The following FOXP1 variants were observed in gnomAD, a reference collection of about 807,000 sequenced individuals.
The protein encoded by FOXP1 is forkhead box P1, also known as forkhead box protein P1.
FOXP1 carries 15 observed loss-of-function variants against 98.2 expected under a neutral mutation model. The ratio of observed to expected loss-of-function variants is 0.15; its 90% CI spans 0.10 to 0.24. FOXP1 has a LOEUF of 0.24. Ranked by LOEUF, FOXP1 falls within the 10% of genes least tolerant of loss-of-function variation. The pLI is 1.00. For missense variants in FOXP1, 633 were observed against 848.5 expected (o/e 0.75, Z 3.15); for synonymous variants, 371 against 314.5 (o/e 1.18, Z -1.90).
chr3:71,513,675 T>C (rs1409337127), intron 2 of FOXP1, among the ~76,000 whole-genome samples: 2 of 152,206 alleles, frequency 1.3e-5, no homozygotes, highest in African/African-American at 4.8e-5. Context: ...TGATGTGGAA[T>C]GGGTCATTCT....
chr3:70,965,874 G>T lies in FOXP1; in HGVS notation c.1889+16C>A. The T allele has an allele frequency of 6.2e-7, 1 of 1,613,180 alleles. No homozygotes were observed. The highest frequency in any genetic ancestry group is 1.1e-5 in the South Asian group (1 of 91,046). On this transcript the variant is annotated intron_variant, in intron 20 of 20. Transcript: ENST00000649528. ...AGGGTCAGATAGCAAAGACCTGTTG[G>T]GTGGACAATACTCACACGGCTTGCA... is the stretch of plus-strand genomic sequence containing the variant.
rs749698692 is a variant in FOXP1 at position 71,042,520 on chromosome 3, A to G, written c.665-988T>C. The stretch of plus-strand genomic sequence containing the variant: ...GATGACAACTAACAAAAACAACAAC[A>G]ACGACAACAAGCAACAAAACTTCCT... On this transcript the variant is annotated intron_variant, in intron 10 of 20. Transcript: ENST00000649528. Among the ~76,000 whole-genome samples the G allele has an allele frequency of 3.3e-5, 5 of 152,214 alleles. No homozygotes were observed. The East Asian group carries it at 5.8e-4, about 18-fold the overall frequency.
intron 12 of FOXP1, among the ~76,000 whole-genome samples, chr3:71,004,868 C>CT (rs1194185815): frequency 6.6e-6 from 1 of 151,922 alleles, no homozygotes; most frequent in South Asian, 2.1e-4. Flanking sequence ...CATTAGGGCT[C>CT]TTTTTTATAA....
intron 6 of FOXP1, among the ~76,000 whole-genome samples, chr3:71,166,193 C>A (rs1001830244): frequency 1.3e-5 from 2 of 152,172 alleles, no homozygotes; most frequent in African/African-American, 4.8e-5. Context: ...AATGGGGGCA[C>A]AGACACAGGA....
At chr3:71,082,449 G>A (rs2054539121) in intron 7 of FOXP1, among the ~76,000 whole-genome samples, 1 of 151,386 alleles carries the variant, frequency 6.6e-6, no homozygotes, top group Non-Finnish European at 1.5e-5. Flanking sequence ...ACACAGGGAG[G>A]GGAACATCAC....
chr3:71,290,101 T>C (rs894805414), intron 5 of FOXP1: 4 of 152,212 alleles, frequency 2.6e-5, no homozygotes, highest in Non-Finnish European at 4.4e-5. Context: ...TCTGGGTGCA[T>C]AGCTCAAACC....
intron 6 of FOXP1, among the ~76,000 whole-genome samples, chr3:71,153,893 A>C (rs2060695109): frequency 6.6e-6 from 1 of 152,236 alleles, no homozygotes; most frequent in Admixed American, 6.5e-5. Flanking sequence ...AATAAACATT[A>C]ATGAATAACA....
chr3:71,440,000 G>A (rs1031561178), intron 3 of FOXP1, among the ~76,000 whole-genome samples: 9 of 150,044 alleles, frequency 6.0e-5, no homozygotes, highest in African/African-American at 1.5e-4. Flanking sequence ...TAACAGGCAC[G>A]TACCTTGAGG....
At chr3:71,055,128 G>A (rs2050444306) in intron 7 of FOXP1, among the ~76,000 whole-genome samples, 1 of 152,158 alleles carries the variant, frequency 6.6e-6, no homozygotes, top group Non-Finnish European at 1.5e-5. Flanking sequence ...CACATGATTT[G>A]TCCTGTCATT....
chr3:70,997,424 T>C (rs1575994885), intron 13 of FOXP1, among the ~76,000 whole-genome samples: 2 of 152,236 alleles, frequency 1.3e-5, no homozygotes, highest in East Asian at 1.9e-4. Context: ...ATAACTGTAC[T>C]GTGTCCCAAA....
At chr3:71,523,821 G>C (rs1331018851) in intron 2 of FOXP1, among the ~76,000 whole-genome samples, 2 of 152,142 alleles carry the variant, frequency 1.3e-5, no homozygotes, top group Non-Finnish European at 2.9e-5. Flanking sequence ...CACCTTTCAA[G>C]TTTAACTCCT....
At chr3:71,330,617 G>A (rs1208365984) in intron 4 of FOXP1, among the ~76,000 whole-genome samples, 1 of 152,226 alleles carries the variant, frequency 6.6e-6, no homozygotes, top group Non-Finnish European at 1.5e-5. Flanking sequence ...AAAGAAATTT[G>A]CATTAAGTGC....
intron 3 of FOXP1, among the ~76,000 whole-genome samples, chr3:71,378,452 G>C (rs1245874147): frequency 6.6e-6 from 1 of 152,108 alleles, no homozygotes; most frequent in African/African-American, 2.4e-5. Flanking sequence ...ATGCTGAGCA[G>C]CGTGAGGACA....
intron 3 of FOXP1, among the ~76,000 whole-genome samples, chr3:71,459,049 C>T (rs903562926): frequency 2.0e-5 from 3 of 152,058 alleles, no homozygotes; most frequent in Non-Finnish European, 4.4e-5. Flanking sequence ...TTTCTGCTCT[C>T]ACTTTTGACA....
At chr3:71,144,286 T>C (rs566816041) in intron 6 of FOXP1, among the ~76,000 whole-genome samples, 2 of 152,292 alleles carry the variant, frequency 1.3e-5, no homozygotes, top group African/African-American at 2.4e-5. Context: ...GAACTCTCTG[T>C]GGCCTCTTTC....
At chr3:71,495,908 G>A (rs1001792526) in intron 2 of FOXP1, among the ~76,000 whole-genome samples, 1 of 152,192 alleles carries the variant, frequency 6.6e-6, no homozygotes, top group Non-Finnish European at 1.5e-5. Flanking sequence ...AGGAAGGCCA[G>A]GTGTAAGGTA....
At chr3:70,996,232 C>T (rs1002351352) in intron 13 of FOXP1, among the ~76,000 whole-genome samples, 7 of 152,160 alleles carry the variant, frequency 4.6e-5, no homozygotes, top group African/African-American at 1.4e-4. Flanking sequence ...GATCTGCCCG[C>T]CTCAGCCTTC....
At chr3:71,068,385 T>A (rs979398312) in intron 7 of FOXP1, among the ~76,000 whole-genome samples, 4 of 152,210 alleles carry the variant, frequency 2.6e-5, no homozygotes, top group Non-Finnish European at 4.4e-5. Context: ...GGAGATAAGA[T>A]GTATTAAAGG....
intron 3 of FOXP1, among the ~76,000 whole-genome samples, chr3:71,364,655 G>T (rs1261941529): frequency 6.6e-6 from 1 of 152,082 alleles, no homozygotes; most frequent in Non-Finnish European, 1.5e-5. Context: ...CAAATTTAAT[G>T]TAACATTTTT....
Sources: allele counts gnomAD v4.1 joint callset (sites outside exome capture counted in the v4.1 genomes callset), GRCh38; gene constraint gnomAD v4.1.1; transcripts MANE v1.5; gene names NCBI Gene and HGNC (gene_info 2026-07-23, HGNC 2026-07-21).